The following KCNJ3 variants were observed in gnomAD, a reference collection of about 807,000 sequenced individuals.
KCNJ3 encodes G protein-activated inward rectifier potassium channel 1.
KCNJ3 carries 4 observed loss-of-function variants against 39.2 expected under a neutral mutation model. The ratio of observed to expected loss-of-function variants is 0.10; its 90% CI spans 0.05 to 0.23. KCNJ3 has a LOEUF of 0.23. Among genes scored for constraint, KCNJ3 ranks in the 10% least tolerant of loss-of-function variants. The pLI, the probability that KCNJ3 is intolerant of heterozygous loss-of-function variation, is 1.00. For missense variants in KCNJ3, 276 were observed against 634.9 expected, an observed-to-expected ratio of 0.43 and a Z score of 6.08; for synonymous variants, 230 against 237.4, an observed-to-expected ratio of 0.97 and a Z score of 0.29.
chr2:154,764,465 T>C (rs1032021915), intron 2 of KCNJ3, among the ~76,000 whole-genome samples: 1 of 152,208 alleles, frequency 6.6e-6, no homozygotes, highest in Non-Finnish European at 1.5e-5. Context: ...AGCCTGGCAT[T>C]GGCATGAATA....
intron 2 of KCNJ3, among the ~76,000 whole-genome samples, chr2:154,711,486 T>A (rs1193796009): frequency 6.6e-6 from 1 of 152,176 alleles, no homozygotes; most frequent in Admixed American, 6.5e-5. Context: ...TATCTACTTA[T>A]CTATCTAGCT....
At chr2:154,806,124 A>G (rs533744255) in intron 2 of KCNJ3, among the ~76,000 whole-genome samples, 1 of 152,166 alleles carries the variant, frequency 6.6e-6, no homozygotes, top group East Asian at 1.9e-4. Flanking sequence ...TCCTCTCGAG[A>G]ATTGTGAAGG....
At chr2:154,840,603 T>G (rs1245331082) in intron 2 of KCNJ3, among the ~76,000 whole-genome samples, 6 of 152,214 alleles carry the variant, frequency 3.9e-5, no homozygotes, top group African/African-American at 1.4e-4. Context: ...GTGTCCTCTT[T>G]TAGTTCGTTG....
intron 2 of KCNJ3, among the ~76,000 whole-genome samples, chr2:154,805,414 A>C (rs1394816553): frequency 1.3e-5 from 2 of 152,146 alleles, no homozygotes; most frequent in Non-Finnish European, 2.9e-5. Flanking sequence ...TCTTCAGAAA[A>C]CATTTCAATA....
chr2:154,810,463 G>C (rs577733634), intron 2 of KCNJ3, among the ~76,000 whole-genome samples: 1 of 152,008 alleles, frequency 6.6e-6, no homozygotes, highest in Non-Finnish European at 1.5e-5. Flanking sequence ...TTTCCTACTA[G>C]ATAAGATATC....
At chr2:154,768,096 A>T (rs1241472663) in intron 2 of KCNJ3, among the ~76,000 whole-genome samples, 1 of 152,168 alleles carries the variant, frequency 6.6e-6, no homozygotes, top group African/African-American at 2.4e-5. Flanking sequence ...GCCCTTTGTC[A>T]GGTGGGTAGA....
At chr2:154,721,987 T>C (rs1291381575) in intron 2 of KCNJ3, among the ~76,000 whole-genome samples, 2 of 152,218 alleles carry the variant, frequency 1.3e-5, no homozygotes, top group African/African-American at 4.8e-5. Flanking sequence ...GACTATATTT[T>C]GTTAACATTT....
intron 2 of KCNJ3, among the ~76,000 whole-genome samples, chr2:154,849,860 G>A (rs1031427790): frequency 2.8e-4 from 42 of 151,876 alleles, no homozygotes; most frequent in Admixed American, 2.6e-3. Flanking sequence ...GGCAGAATCA[G>A]GAAAGGAAAA....
chr2:154,750,135 A>G (rs1168218294), intron 2 of KCNJ3, among the ~76,000 whole-genome samples: 2 of 151,966 alleles, frequency 1.3e-5, no homozygotes, highest in Non-Finnish European at 2.9e-5. Context: ...TATTTCTCCT[A>G]TTGAACAATA....
intron 2 of KCNJ3, among the ~76,000 whole-genome samples, chr2:154,805,178 GA>G (rs944599228): frequency 1.3e-5 from 2 of 151,640 alleles, no homozygotes; most frequent in African/African-American, 2.4e-5. Flanking sequence ...AAATATTACA[GA>G]AAAAAAACAG....
intron 2 of KCNJ3, among the ~76,000 whole-genome samples, chr2:154,819,926 C>A (rs574109790): frequency 6.6e-6 from 1 of 152,060 alleles, no homozygotes; most frequent in South Asian, 2.1e-4. Context: ...AAAAAAATCC[C>A]TTTATGATGA....
chr2:154,711,006 T>C (rs1216028818), intron 2 of KCNJ3, among the ~76,000 whole-genome samples: 1 of 152,124 alleles, frequency 6.6e-6, no homozygotes, highest in Non-Finnish European at 1.5e-5. Context: ...TCAAAGCTGC[T>C]TGTAGTATTT....
chr2:154,724,936 T>TATATATATATATATAC lies in KCNJ3; in HGVS notation c.919+15118_919+15119insTATATATATATATACA, dbSNP rs1450435626. On this transcript the variant is annotated intron_variant, in intron 2 of 2. Transcript: ENST00000295101. ...TATGAGGTATATATATATATATATA[T>TATATATATATATATAC]ACCTTTGATGCAGACCTGAGACATG... 3.9e-3 allele frequency among the ~76,000 whole-genome samples: 571 copies of TATATATATATATATAC among 147,062 alleles called. 3 individuals are homozygous for TATATATATATATATAC. The highest frequency in any genetic ancestry group is 6.4e-3 in the Non-Finnish European group (427 of 66,864).
At chr2:154,776,353 C>T (rs993050540) in intron 2 of KCNJ3, among the ~76,000 whole-genome samples, 1 of 152,028 alleles carries the variant, frequency 6.6e-6, no homozygotes, top group African/African-American at 2.4e-5. Flanking sequence ...CCCTTTCCCA[C>T]CCCCAACCCC....
chr2:154,781,243 T>C (rs1026400837), intron 2 of KCNJ3, among the ~76,000 whole-genome samples: 1 of 152,168 alleles, frequency 6.6e-6, no homozygotes, highest in African/African-American at 2.4e-5. Flanking sequence ...AGGTTTTTAA[T>C]TTATAGAACT....
At position 154,706,943 on chromosome 2, in the gene KCNJ3, C is replaced by T. The variant is rs867573376; in HGVS notation, c.703-2660C>T. 5.9e-5 allele frequency among the ~76,000 whole-genome samples: 9 copies of T among 152,016 alleles called. No individual in the cohort carries two copies. In the Middle Eastern group the frequency reaches 0.014, roughly 230 times the overall value. On this transcript the variant is annotated intron_variant, in intron 1 of 2. Transcript: ENST00000295101. Reference sequence around the variant, plus strand: ...ATTTCAGTGATTAAGAGGCTCCTCACTCTACTACAAAGTCAAAGAAGGAAA... The same window carrying T: ...ATTTCAGTGATTAAGAGGCTCCTCATTCTACTACAAAGTCAAAGAAGGAAA...
intron 1 of KCNJ3, among the ~76,000 whole-genome samples, chr2:154,705,424 C>T (rs1409343912): frequency 6.6e-6 from 1 of 152,102 alleles, no homozygotes; most frequent in Non-Finnish European, 1.5e-5. Flanking sequence ...CGGCAAAATA[C>T]ATGACAATGA....
chr2:154,854,215 T>A (rs1687802665), intron 2 of KCNJ3, among the ~76,000 whole-genome samples: 1 of 152,298 alleles, frequency 6.6e-6, no homozygotes, highest in Non-Finnish European at 1.5e-5. Flanking sequence ...TCTGTATATG[T>A]TATTTCATGG....
At chr2:154,752,486 C>T (rs1180875614) in intron 2 of KCNJ3, among the ~76,000 whole-genome samples, 2 of 151,956 alleles carry the variant, frequency 1.3e-5, no homozygotes, top group Non-Finnish European at 1.5e-5. Flanking sequence ...TTGGTTAAAA[C>T]AAAACTCTAT....
Sources: allele counts gnomAD v4.1 joint callset (sites outside exome capture counted in the v4.1 genomes callset), GRCh38; gene constraint gnomAD v4.1.1; transcripts MANE v1.5; gene names NCBI Gene and HGNC (gene_info 2026-07-23, HGNC 2026-07-21).